GULP1: variants seen among roughly 807,000 people sequenced by gnomAD.
GULP1 encodes the protein GULP PTB domain containing engulfment adaptor 1.
A neutral mutation model predicts 40.9 loss-of-function variants in GULP1; 19 were observed. The ratio of observed to expected loss-of-function variants is 0.46; its 90% CI spans 0.32 to 0.68. The LOEUF is 0.68. Ranked by LOEUF, GULP1 falls within the 30% of genes least tolerant of loss-of-function variation. The pLI is 0.03. For synonymous variants in GULP1, 119 were observed against 117.6 expected (o/e 1.01, Z -0.08); for missense variants, 312 against 362.2 (o/e 0.86, Z 1.12).
At chr2:188,424,057 T>C (rs2055821257) in intron 2 of GULP1, among the ~76,000 whole-genome samples, 1 of 151,832 alleles carries the variant, frequency 6.6e-6, no homozygotes, top group Admixed American at 6.6e-5. Context: ...TGTGCTCTTA[T>C]TGCAGGAATC....
At chr2:188,294,007 G>A (rs2034380864) in intron 1 of GULP1, 2 of 152,222 alleles carry the variant, frequency 1.3e-5, no homozygotes, top group Non-Finnish European at 2.9e-5. Context: ...TATGACCGAG[G>A]AAATTACAAA....
chr2:188,404,278 A>G (rs1335208977), intron 2 of GULP1, among the ~76,000 whole-genome samples: 2 of 152,180 alleles, frequency 1.3e-5, no homozygotes, highest in Non-Finnish European at 2.9e-5. Flanking sequence ...AACAATTTGA[A>G]CAACTATCCA....
At chr2:188,325,971 A>C (rs887189657) in intron 1 of GULP1, among the ~76,000 whole-genome samples, 34 of 152,254 alleles carry the variant, frequency 2.2e-4, no homozygotes, top group African/African-American at 7.9e-4. Context: ...TGTAGCAGTA[A>C]TATATTTTCC....
At chr2:188,580,457 G>A (rs1701044234) in intron 9 of GULP1, among the ~76,000 whole-genome samples, 1 of 151,030 alleles carries the variant, frequency 6.6e-6, no homozygotes. Context: ...GGAGGCTGAG[G>A]CAGGAGAATG....
intron 5 of GULP1, among the ~76,000 whole-genome samples, chr2:188,527,744 C>T (rs1686551213): frequency 6.6e-6 from 1 of 152,134 alleles, no homozygotes; most frequent in South Asian, 2.1e-4. Context: ...AAGGCAGACA[C>T]TTAAAGGCAT....
At chr2:188,496,882 A>G (rs1270229520) in intron 4 of GULP1, among the ~76,000 whole-genome samples, 1 of 151,830 alleles carries the variant, frequency 6.6e-6, no homozygotes, top group Admixed American at 6.6e-5. Flanking sequence ...AAAAGTGTGT[A>G]GCACCTCCCA....
At chr2:188,364,697 GTA>G (rs991306248) in intron 1 of GULP1, among the ~76,000 whole-genome samples, 26 of 146,666 alleles carry the variant, frequency 1.8e-4, no homozygotes, top group Admixed American at 2.7e-4. Flanking sequence ...CATGGGATAT[GTA>G]TGTGTGTGTG....
chr2:188,347,630 T>TTC, intron 1 of GULP1, among the ~76,000 whole-genome samples: 1 of 151,542 alleles, frequency 6.6e-6, no homozygotes, highest in Non-Finnish European at 1.5e-5. Context: ...TTTTTTTTTT[T>TTC]TGAGACAGGG....
In GULP1 at chr2:188,593,952, A is replaced by G; in HGVS notation, c.856A>G (p.Met286Val). 3 of 1,582,488 alleles carry G rather than the reference A, an allele frequency of 1.9e-6. No homozygotes were observed. The highest frequency in any genetic ancestry group is 2.6e-6 in the Non-Finnish European group (3 of 1,152,118). Reference sequence around the variant, plus strand: ...TTCTGTTTTACAGGAGGGGTTCAAAATGGGACTAACTCTTGAAGGCACAGT... The same window carrying G: ...TTCTGTTTTACAGGAGGGGTTCAAAGTGGGACTAACTCTTGAAGGCACAGT... ...KLDEMQEGFK[M>V]GLTLEGTVFC... The change falls in exon 12 of 12, where the codon ATG becomes GTG. Residue 286 changes from methionine to valine, a missense_variant. Met to Val is a conservative substitution (Grantham distance 21). Transcript: ENST00000409830.
chr2:188,377,171 CAAAAA>C (rs879640577), intron 1 of GULP1, among the ~76,000 whole-genome samples: 1 of 113,948 alleles, frequency 8.8e-6, no homozygotes, highest in South Asian at 2.7e-4. Context: ...GACTCCATCT[CAAAAA>C]AAAAAAAAGA....
chr2:188,347,036 A>C (rs2043777440), intron 1 of GULP1, among the ~76,000 whole-genome samples: 3 of 152,142 alleles, frequency 2.0e-5, no homozygotes, highest in Non-Finnish European at 2.9e-5. Context: ...AAAGCACTGC[A>C]ATAAGCATTA....
At chr2:188,555,778 A>C (rs955050317) in intron 7 of GULP1, among the ~76,000 whole-genome samples, 1 of 152,100 alleles carries the variant, frequency 6.6e-6, no homozygotes, top group Non-Finnish European at 1.5e-5. Flanking sequence ...GTTTTCATCT[A>C]GGCTGGGTGT....
At chr2:188,435,732 C>T (rs900151013) in intron 2 of GULP1, among the ~76,000 whole-genome samples, 1 of 152,052 alleles carries the variant, frequency 6.6e-6, no homozygotes, top group Admixed American at 6.6e-5. Context: ...TGTCGGAATT[C>T]ATTTCCTTGC....
chr2:188,343,542 A>G (rs1342568810), intron 1 of GULP1, among the ~76,000 whole-genome samples: 2 of 152,234 alleles, frequency 1.3e-5, no homozygotes, highest in African/African-American at 2.4e-5. Context: ...AAAAAGACGC[A>G]TATCTACTTA....
intron 2 of GULP1, among the ~76,000 whole-genome samples, chr2:188,424,596 T>C (rs922507895): frequency 1.3e-5 from 2 of 152,000 alleles, no homozygotes; most frequent in East Asian, 3.8e-4. Context: ...AATTCTTTAA[T>C]GTCATCAATA....
chr2:188,510,130 C>T (rs1039121176), intron 4 of GULP1, among the ~76,000 whole-genome samples: 8 of 151,924 alleles, frequency 5.3e-5, no homozygotes, highest in Admixed American at 1.3e-4. Context: ...CAAGAGAGCT[C>T]AGAGGGCACT....
At chr2:188,389,843 T>C (rs1163138775) in intron 2 of GULP1, among the ~76,000 whole-genome samples, 1 of 152,124 alleles carries the variant, frequency 6.6e-6, no homozygotes, top group Non-Finnish European at 1.5e-5. Flanking sequence ...TGCATACCCA[T>C]AGCTTAGCCA....
intron 4 of GULP1, among the ~76,000 whole-genome samples, chr2:188,501,964 TC>T (rs2063476481): frequency 6.6e-6 from 1 of 151,984 alleles, no homozygotes; most frequent in South Asian, 2.1e-4. Context: ...TGTTTTTACC[TC>T]TGTCGCACCA....
At chr2:188,500,795 A>G (rs973529482) in intron 4 of GULP1, among the ~76,000 whole-genome samples, 75 of 151,940 alleles carry the variant, frequency 4.9e-4, no homozygotes, top group Admixed American at 4.0e-3. Flanking sequence ...TACTCCCTCA[A>G]TGGGGCCCCT....
Sources: gnomAD v4.1 joint callset for allele counts (sites outside exome capture counted in the v4.1 genomes callset) on GRCh38, gnomAD v4.1.1 for gene constraint, MANE v1.5 for transcripts, NCBI Gene and HGNC (gene_info 2026-07-23, HGNC 2026-07-21) for gene names.